NBEA: variants seen among roughly 807,000 people sequenced by gnomAD.
NBEA encodes the protein lysosomal-trafficking regulator 2.
NBEA carries 44 observed loss-of-function variants against 343.4 expected under a neutral mutation model. The ratio of observed to expected loss-of-function variants is 0.13; its 90% CI spans 0.10 to 0.16. The LOEUF (loss-of-function observed/expected upper bound fraction) is 0.16. Ranked by LOEUF, NBEA falls within the 10% of genes least tolerant of loss-of-function variation. The pLI, the probability that NBEA is intolerant of heterozygous loss-of-function variation, is 1.00. For synonymous variants in NBEA, 1,175 were observed against 1,238.7 expected, an observed-to-expected ratio of 0.95 and a Z score of 1.08; for missense variants, 2,555 against 3,631.3, an observed-to-expected ratio of 0.70 and a Z score of 7.62.
chr13:35,643,916 G>A (rs1215933808), intron 49 of NBEA, among the ~76,000 whole-genome samples: 1 of 152,154 alleles, frequency 6.6e-6, no homozygotes, highest in Non-Finnish European at 1.5e-5. Flanking sequence ...CCCCCTTAAA[G>A]TGGGAAAGGA....
chr13:34,993,224 C>G (rs1016522329), intron 1 of NBEA, among the ~76,000 whole-genome samples: 2 of 152,134 alleles, frequency 1.3e-5, no homozygotes, highest in Admixed American at 1.3e-4. Context: ...TCTTTTCATC[C>G]TAATGATCTC....
intron 38 of NBEA, among the ~76,000 whole-genome samples, chr13:35,395,622 C>T (rs1444378653): frequency 6.6e-6 from 1 of 152,094 alleles, no homozygotes; most frequent in African/African-American, 2.4e-5. Context: ...ATTTTTCACT[C>T]ATTGAACATA....
At chr13:35,617,576 G>A (rs1316348522) in intron 48 of NBEA, among the ~76,000 whole-genome samples, 1 of 152,184 alleles carries the variant, frequency 6.6e-6, no homozygotes, top group Non-Finnish European at 1.5e-5. Context: ...AGCCCACACT[G>A]CTGCCTCTGA....
chr13:35,478,847 A>T (rs1442093077), intron 41 of NBEA, among the ~76,000 whole-genome samples: 1 of 152,202 alleles, frequency 6.6e-6, no homozygotes, highest in African/African-American at 2.4e-5. Context: ...GTTGTCAAGG[A>T]CGTGAGACAG....
intron 18 of NBEA, among the ~76,000 whole-genome samples, chr13:35,151,492 G>A (rs1437494389): frequency 1.4e-5 from 2 of 147,188 alleles, no homozygotes; most frequent in African/African-American, 5.0e-5. Context: ...GCGGTGAGCC[G>A]AGATTATGCC....
At chr13:35,135,016 C>T (rs1181379073) in intron 17 of NBEA, among the ~76,000 whole-genome samples, 1 of 151,890 alleles carries the variant, frequency 6.6e-6, no homozygotes, top group African/African-American at 2.4e-5. Flanking sequence ...TTCGGTTTTT[C>T]CCACATATAC....
chr13:35,167,488 G>C (rs780979522), intron 24 of NBEA, among the ~76,000 whole-genome samples: 1 of 151,888 alleles, frequency 6.6e-6, no homozygotes, highest in Admixed American at 6.6e-5. Context: ...TGAGCACCTT[G>C]AACTTAGTAC....
In NBEA at chr13:35,149,742, T is replaced by C. The variant is rs191687066; in HGVS notation, c.2446-6032T>C. On this transcript the variant is annotated intron_variant, in intron 18 of 58. Coordinates refer to ENST00000379939, the MANE Select transcript of NBEA (RefSeq NM_001385012.1). ...AGCATCTGCTTATTTTGACCTCTTA[T>C]CCATAATAGAGAGTCTGAGTAGTCA... 1.2e-3 allele frequency among the ~76,000 whole-genome samples: 178 copies of C among 152,330 alleles called. 1 individual carries two copies. Among genetic ancestry groups the C allele is most frequent in the African/African-American group, 4.1e-3 (170 of 41,576 alleles).
At chr13:35,233,810 A>T (rs759692079) in intron 34 of NBEA, among the ~76,000 whole-genome samples, 23 of 152,176 alleles carry the variant, frequency 1.5e-4, no homozygotes, top group Non-Finnish European at 2.6e-4. Context: ...ATGCTAGAAG[A>T]TAGTGAATGT....
chr13:35,372,168 T>G (rs1243572344), intron 38 of NBEA, among the ~76,000 whole-genome samples: 3 of 152,162 alleles, frequency 2.0e-5, no homozygotes, highest in African/African-American at 4.8e-5. Context: ...GGTCTTTGGT[T>G]CCCTGGGCAG....
At chr13:35,565,198 C>T (rs910812312) in intron 44 of NBEA, among the ~76,000 whole-genome samples, 3 of 152,136 alleles carry the variant, frequency 2.0e-5, no homozygotes, top group Admixed American at 6.5e-5. Flanking sequence ...CATACCCACA[C>T]CTATATTACA....
At chr13:35,078,168 G>A (rs118024603) in intron 10 of NBEA, among the ~76,000 whole-genome samples, 2,449 of 152,244 alleles carry the variant, frequency 0.016, 32 homozygotes, top group South Asian at 0.074. Context: ...CAAAGCCATA[G>A]GTAATCTGTA....
At position 35,459,015 on chromosome 13, in the gene NBEA, C is replaced by CACA. The variant is rs1555270504; in HGVS notation, c.6448+6780_6448+6781insACA. On this transcript the variant is annotated intron_variant, in intron 40 of 58. Transcript: ENST00000379939. ...TATTTCTTTACCACCGCCCCCCCCC[C>CACA]CCCACACACACACACACACACACTT... 7.5e-4 allele frequency among the ~76,000 whole-genome samples: 79 copies of CACA among 104,964 alleles called. 1 individual carries two copies. The highest frequency in any genetic ancestry group is 2.6e-3 in the African/African-American group (58 of 22,042). 68.9% of individuals were successfully genotyped at this position (104,964 alleles called of 152,430 possible). A position where few individuals can be genotyped will look rare whatever the true frequency, so the allele number is the denominator to read the frequency against.
chr13:35,627,600 T>C (rs909596094), intron 48 of NBEA, among the ~76,000 whole-genome samples: 2 of 152,172 alleles, frequency 1.3e-5, no homozygotes, highest in African/African-American at 4.8e-5. Flanking sequence ...AGATATTCCC[T>C]TCTAGTCATC....
At chr13:35,401,814 A>G (rs956392618) in intron 38 of NBEA, among the ~76,000 whole-genome samples, 3 of 152,008 alleles carry the variant, frequency 2.0e-5, no homozygotes, top group East Asian at 1.9e-4. Flanking sequence ...GGTTAAATCA[A>G]TGGATTATGG....
chr13:35,465,039 A>G (rs1011497832), intron 40 of NBEA, among the ~76,000 whole-genome samples: 5 of 152,176 alleles, frequency 3.3e-5, no homozygotes, highest in Non-Finnish European at 7.4e-5. Context: ...CCATAATAGT[A>G]TGCATGTAAT....
At chr13:35,088,056 A>G (rs188210734) in intron 10 of NBEA, among the ~76,000 whole-genome samples, 1 of 151,970 alleles carries the variant, frequency 6.6e-6, no homozygotes, top group Admixed American at 6.6e-5. Context: ...TATTTTGGAT[A>G]GGTACTGAGG....
chr13:35,320,942 A>C (rs2038095095), intron 36 of NBEA, among the ~76,000 whole-genome samples: 1 of 151,896 alleles, frequency 6.6e-6, no homozygotes, highest in Non-Finnish European at 1.5e-5. Context: ...CAGCTGTGTC[A>C]GGTCATTTGT....
In NBEA at chr13:34,942,826, T is replaced by A. The variant is rs1465654692; in HGVS notation, c.6T>A (p.Ala2=). M[A]SEKPGPGPGL... ...TCTCCTCAGGAGGGGGGCCAATGGC[T>A]AGCGAGAAGCCGGGCCCGGGCCCGG... Residue 2 remains alanine, a synonymous_variant, in exon 1 of 59, where the codon GCT becomes GCA. Transcript: ENST00000379939. 1.5e-6 allele frequency: 2 copies of A among 1,361,974 alleles called. No individual in the cohort carries two copies. The highest frequency in any genetic ancestry group is 1.9e-6 in the Non-Finnish European group (2 of 1,056,132). The allele number at this position is 1,361,974 out of a possible 1,614,324, so 84.4% of individuals were successfully genotyped here. A position where few individuals can be genotyped will look rare whatever the true frequency, so the allele number is the denominator to read the frequency against.
Sources: gnomAD v4.1 joint callset for allele counts (sites outside exome capture counted in the v4.1 genomes callset) on GRCh38, gnomAD v4.1.1 for gene constraint, MANE v1.5 for transcripts, NCBI Gene and HGNC (gene_info 2026-07-23, HGNC 2026-07-21) for gene names.